The following THSD4 variants were observed in gnomAD, a reference collection of about 807,000 sequenced individuals.
THSD4 encodes the protein thrombospondin type-1 domain-containing protein 4.
Under a neutral mutation model 119.0 loss-of-function variants are expected in THSD4, and 69 were observed. That is an observed-to-expected ratio of 0.58 (90% CI 0.48 to 0.71). The LOEUF (loss-of-function observed/expected upper bound fraction) is 0.71. THSD4 is among the 30% of genes least tolerant of loss of function. The pLI is 0.00. For synonymous variants in THSD4, 524 were observed against 540.4 expected, an observed-to-expected ratio of 0.97 and a Z score of 0.42; for missense variants, 1,393 against 1,391.1, an observed-to-expected ratio of 1.00 and a Z score of -0.02.
intron 6 of THSD4, among the ~76,000 whole-genome samples, chr15:71,395,832 C>T (rs1342862744): frequency 6.6e-6 from 1 of 151,856 alleles, no homozygotes; most frequent in African/African-American, 2.4e-5. Flanking sequence ...CATTCTTTTG[C>T]TGAAGCCATC....
intron 7 of THSD4, among the ~76,000 whole-genome samples, chr15:71,585,272 A>G (rs1295978291): frequency 2.6e-5 from 4 of 152,214 alleles, no homozygotes; most frequent in Non-Finnish European, 4.4e-5. Flanking sequence ...GGAAGACCTA[A>G]TTATAATGAA....
chr15:71,297,320 T>TTTTTTTTTGTTTG (rs111707595), intron 6 of THSD4, among the ~76,000 whole-genome samples: 1 of 147,982 alleles, frequency 6.8e-6, no homozygotes, highest in African/African-American at 2.5e-5. Flanking sequence ...CTCTTCTTTT[T>TTTTTTTTTGTTTG]TTTGTTTGTT....
At chr15:71,308,221 T>C (rs186497479) in intron 6 of THSD4, among the ~76,000 whole-genome samples, 107 of 152,342 alleles carry the variant, frequency 7.0e-4, no homozygotes, top group Non-Finnish European at 1.2e-3. Flanking sequence ...GGGTCAGTCC[T>C]TGAGGCAGGC....
At chr15:71,132,990 G>A (rs1483563759) in intron 1 of THSD4, among the ~76,000 whole-genome samples, 1 of 152,198 alleles carries the variant, frequency 6.6e-6, no homozygotes, top group Non-Finnish European at 1.5e-5. Context: ...TTGGTTTTTG[G>A]AATGAGATGG....
At chr15:71,591,676 C>A (rs1009840993) in intron 7 of THSD4, among the ~76,000 whole-genome samples, 7 of 150,576 alleles carry the variant, frequency 4.6e-5, no homozygotes, top group Admixed American at 2.0e-4. Flanking sequence ...TAACCTTCTG[C>A]AAGAATGTTT....
intron 7 of THSD4, among the ~76,000 whole-genome samples, chr15:71,465,785 G>A (rs114130624): frequency 1.1e-3 from 168 of 152,314 alleles, no homozygotes; most frequent in African/African-American, 3.8e-3. Context: ...AGAGAGGAAG[G>A]CACTGGAAAG....
chr15:71,310,958 C>T (rs1394099287), intron 6 of THSD4, among the ~76,000 whole-genome samples: 1 of 152,078 alleles, frequency 6.6e-6, no homozygotes, highest in Non-Finnish European at 1.5e-5. Context: ...CCAGTTATTC[C>T]CTAGCCTGTT....
intron 7 of THSD4, among the ~76,000 whole-genome samples, chr15:71,492,102 G>A (rs113453593): frequency 0.042 from 6,376 of 151,728 alleles, 226 homozygotes; most frequent in African/African-American, 0.099. Flanking sequence ...TGTTTTCTCG[G>A]TGGTCTGTGA....
chr15:71,343,513 T>C (rs557704024), intron 6 of THSD4, among the ~76,000 whole-genome samples: 1 of 152,200 alleles, frequency 6.6e-6, no homozygotes, highest in Admixed American at 6.5e-5. Flanking sequence ...AATCCTCACT[T>C]TCCTCTTCCA....
chr15:71,469,869 C>T (rs1284528948), intron 7 of THSD4, among the ~76,000 whole-genome samples: 1 of 152,118 alleles, frequency 6.6e-6, no homozygotes, highest in Non-Finnish European at 1.5e-5. Flanking sequence ...ATACAAAGAC[C>T]ATTGAGCCAA....
At chr15:71,482,045 C>T (rs1191177293) in intron 7 of THSD4, among the ~76,000 whole-genome samples, 1 of 152,190 alleles carries the variant, frequency 6.6e-6, no homozygotes, top group African/African-American at 2.4e-5. Context: ...CCTGCTCCTT[C>T]TGGCCATAGT....
intron 6 of THSD4, among the ~76,000 whole-genome samples, chr15:71,380,378 A>G (rs1444431105): frequency 6.6e-6 from 1 of 152,092 alleles, no homozygotes; most frequent in Non-Finnish European, 1.5e-5. Flanking sequence ...ACAAGTCACA[A>G]TGTCATGTCA....
chr15:71,422,538 A>G (rs994691104), intron 7 of THSD4, among the ~76,000 whole-genome samples: 5 of 152,164 alleles, frequency 3.3e-5, no homozygotes, highest in Non-Finnish European at 7.3e-5. Context: ...TTCTCCTACA[A>G]GAATGGAGTC....
At chr15:71,738,425 A>G (rs1020395723) in intron 11 of THSD4, among the ~76,000 whole-genome samples, 3 of 152,124 alleles carry the variant, frequency 2.0e-5, no homozygotes, top group African/African-American at 7.2e-5. Context: ...TGTCTATGAG[A>G]TGGCTCATGG....
chr15:71,677,288 C>G (rs1288052545), intron 8 of THSD4, among the ~76,000 whole-genome samples: 1 of 152,168 alleles, frequency 6.6e-6, no homozygotes, highest in Non-Finnish European at 1.5e-5. Context: ...TGTTCCTCGT[C>G]AATGCTGGTA....
At chr15:71,280,912 G>A (rs1196819798) in intron 6 of THSD4, among the ~76,000 whole-genome samples, 4 of 152,160 alleles carry the variant, frequency 2.6e-5, no homozygotes, top group Non-Finnish European at 4.4e-5. Flanking sequence ...ACAAAGTATC[G>A]GTATTTTGAA....
chr15:71,626,660 C>T (rs1356848330), intron 7 of THSD4, among the ~76,000 whole-genome samples: 3 of 152,104 alleles, frequency 2.0e-5, no homozygotes, highest in African/African-American at 4.8e-5. Context: ...AGATTTTATC[C>T]GATTTTGTAC....
chr15:71,441,397 ATTT>A (rs1215547880), intron 7 of THSD4, among the ~76,000 whole-genome samples: 20 of 73,366 alleles, frequency 2.7e-4, no homozygotes, highest in African/African-American at 9.6e-4. Context: ...CACCTGTAGA[ATTT>A]TTTTTTTTTT....
chr15:71,215,090 C>T lies in THSD4; in HGVS notation c.155C>T (p.Ala52Val), dbSNP rs1202293855. Residue 52 changes from alanine (A) to valine (V), a missense_variant, in exon 4 of 18, where the codon GCC (alanine) becomes GTC (valine). Coordinates refer to ENST00000261862, the MANE Select transcript of THSD4 (RefSeq NM_024817.3). ...CCCGAGGACGACGGCGGCGGCGGCGCCCCGGGAGTGTGGGGCGCCTGGGGC... is the reference window on the plus strand; with the variant it reads ...CCCGAGGACGACGGCGGCGGCGGCGTCCCGGGAGTGTGGGGCGCCTGGGGC... The part of the protein sequence containing the change: ...GAPEDDGGGG[A>V]PGVWGAWGPW... The T allele has an allele frequency of 2.3e-6, 3 of 1,317,368 alleles. No homozygotes were observed. Among genetic ancestry groups the T allele is most frequent in the Non-Finnish European group, 2.9e-6 (3 of 1,032,898 alleles). The allele number at this position is 1,317,368 out of a possible 1,614,324, so 81.6% of individuals were successfully genotyped here.
Sources: allele counts gnomAD v4.1 joint callset (sites outside exome capture counted in the v4.1 genomes callset), GRCh38; gene constraint gnomAD v4.1.1; transcripts MANE v1.5; gene names NCBI Gene and HGNC (gene_info 2026-07-23, HGNC 2026-07-21).